Variants in SVOP observed in about 807,000 individuals in gnomAD.
SVOP encodes the protein synaptic vesicle 2-related protein.
Under a neutral mutation model 69.1 loss-of-function variants are expected in SVOP, and 17 were observed. The observed-to-expected ratio is 0.25, with a 90% CI of 0.17 to 0.37. The LOEUF (loss-of-function observed/expected upper bound fraction) is 0.37, where lower values mean the gene tolerates loss of function less well. SVOP is among the 10% of genes least tolerant of loss of function. The probability of loss-of-function intolerance (pLI) is 1.00; values close to 1 mark genes in which losing one functional copy is unlikely to be tolerated. For synonymous variants in SVOP, 238 were observed against 238.6 expected (o/e 1.00, Z 0.02); for missense variants, 435 against 597.5 (o/e 0.73, Z 2.84).
chr12:108,977,404 C>G lies in SVOP; in HGVS notation c.375G>C (p.Leu125=), dbSNP rs758280819. ...GAGCTGCTGGGCTGCCTACCGAGGT[C>G]AGCAATGCCACCTGCCAGCTTGGGA... is the stretch of plus-strand genomic sequence containing the variant. The part of the protein sequence containing the change: ...WRLPSWQVAL[L]TSVVFVGMMS... Residue 125 remains leucine (L), a synonymous_variant, in exon 4 of 16, where the codon CTG becomes CTC. Coordinates refer to ENST00000610966, the MANE Select transcript of SVOP (RefSeq NM_018711.5). 6.5e-6 allele frequency: 10 copies of G among 1,537,066 alleles called. No individual in the cohort carries two copies. In the South Asian group the frequency reaches 1.2e-4, roughly 18 times the overall value.
At chr12:108,951,552 A>T (rs2039953760) in intron 6 of SVOP, among the ~76,000 whole-genome samples, 1 of 152,200 alleles carries the variant, frequency 6.6e-6, no homozygotes, top group South Asian at 2.1e-4. Flanking sequence ...CTCCGTAGAG[A>T]GAAAGTGTAA....
chr12:108,940,954 A>G (rs1164250036), intron 7 of SVOP, 45 bp from the exon 8 acceptor site: 1 of 1,518,226 alleles, frequency 6.6e-7, no homozygotes, highest in East Asian at 2.5e-5. Flanking sequence ...AGCATGGTCC[A>G]TACAGAGAGG....
At position 108,961,303 on chromosome 12, in the gene SVOP, G is replaced by C. The variant is rs184564853; in HGVS notation, c.454-256C>G. Among the ~76,000 whole-genome samples the C allele has an allele frequency of 2.6e-4, 40 of 152,226 alleles. No individual in the cohort carries two copies. The East Asian group carries it at 7.7e-3, about 29-fold the overall frequency. On this transcript the variant is annotated intron_variant, in intron 5 of 15. Transcript: ENST00000610966. The stretch of plus-strand genomic sequence containing the variant: ...ATATGTCAGATATTCCACAATACAG[G>C]AGACAAAATAGATTGTCCTGCATCT...
intron 11 of SVOP, among the ~76,000 whole-genome samples, chr12:108,930,787 A>G (rs1053099465): frequency 2.0e-5 from 3 of 152,200 alleles, no homozygotes; most frequent in African/African-American, 7.2e-5. Flanking sequence ...AGTAGATTAC[A>G]GTCTGTTCAC....
chr12:108,948,457 T>G (rs982032105), intron 6 of SVOP, among the ~76,000 whole-genome samples: 6 of 152,196 alleles, frequency 3.9e-5, no homozygotes, highest in Admixed American at 2.0e-4. Context: ...TCTACATCTA[T>G]CAACAACAGA....
intron 11 of SVOP, 105 bp from the exon 12 acceptor site, chr12:108,922,902 C>G: frequency 1.3e-6 from 1 of 766,566 alleles, no homozygotes; most frequent in Non-Finnish European, 2.2e-6. Context: ...GTTTAGATGC[C>G]ATAGAAAGAG....
intron 1 of SVOP, among the ~76,000 whole-genome samples, chr12:108,999,774 G>T (rs879277640): frequency 1.4e-3 from 211 of 149,370 alleles, no homozygotes; most frequent in Non-Finnish European, 2.5e-3. Context: ...CGAGAACAAA[G>T]ACACAACATA....
At chr12:108,960,825 C>G in intron 6 of SVOP, 98 bp downstream of exon 6, 1 of 1,438,028 alleles carries the variant, frequency 7.0e-7, no homozygotes, top group East Asian at 2.5e-5. Flanking sequence ...CTCTGCACCC[C>G]TGCTGCCCCA....
chr12:108,934,595 A>G (rs1483530743), intron 10 of SVOP, among the ~76,000 whole-genome samples: 1 of 152,226 alleles, frequency 6.6e-6, no homozygotes. Flanking sequence ...ATGGTTACGC[A>G]TTTTAAGTCA....
In SVOP at chr12:108,908,916, C is replaced by G. The variant is rs2039663562; in HGVS notation, c.*3619G>C. 1 of 152,240 alleles carries G rather than the reference C, an allele frequency of 6.6e-6. No homozygotes were observed. Among genetic ancestry groups the G allele is most frequent in the Admixed American group, 6.5e-5 (1 of 15,280 alleles). The allele number at this position is 152,240 out of a possible 1,614,324, so 9.4% of individuals were successfully genotyped here. ...GCTGGGATGGGCATGACACCCAGGT[C>G]TGATCAATGAGAAGCAATGGTAAAT... On this transcript the variant is annotated 3_prime_UTR_variant, in exon 16 of 16. Coordinates refer to ENST00000610966, the MANE Select transcript of SVOP (RefSeq NM_018711.5).
chr12:108,942,516 AATGTGGAGCCCTGCAGGAG>A lies in SVOP; in HGVS notation c.643-1626_643-1608del, dbSNP rs568555833. ...CTAGCGCTTCCCACTGGGTGCAGCC[AATGTGGAGCCCTGCAGGAG>A]ATGGAAGCGGAGGGAGGAAAAAGAG... On this transcript the variant is annotated intron_variant, in intron 7 of 15. Coordinates refer to ENST00000610966, the MANE Select transcript of SVOP (RefSeq NM_018711.5). Among the ~76,000 whole-genome samples the A allele has an allele frequency of 1.3e-4, 20 of 152,288 alleles. No homozygotes were observed. In the East Asian group the frequency reaches 3.9e-3, roughly 29 times the overall value.
At chr12:108,988,752 T>TC (rs374729528) in intron 1 of SVOP, among the ~76,000 whole-genome samples, 1 of 143,064 alleles carries the variant, frequency 7.0e-6, no homozygotes, top group Non-Finnish European at 1.5e-5. Flanking sequence ...ATTTCTTCCT[T>TC]TCTTACTTCT....
intron 4 of SVOP, among the ~76,000 whole-genome samples, chr12:108,974,667 G>T (rs1018118496): frequency 6.6e-6 from 1 of 151,754 alleles, no homozygotes; most frequent in Non-Finnish European, 1.5e-5. Context: ...GAAGGCGAAG[G>T]TTGCAGTGAG....
chr12:108,997,448 T>C (rs1159477869), intron 1 of SVOP, among the ~76,000 whole-genome samples: 4 of 152,014 alleles, frequency 2.6e-5, no homozygotes, highest in East Asian at 1.9e-4. Flanking sequence ...TCGAACTGGG[T>C]GGAGCCCACC....
chr12:108,952,230 C>CTTTTTTTTTTTTTTTTTT (rs36191772), intron 6 of SVOP, among the ~76,000 whole-genome samples: 10 of 98,354 alleles, frequency 1.0e-4, no homozygotes, highest in East Asian at 3.5e-4. Context: ...TTTCTTTTCT[C>CTTTTTTTTTTTTTTTTTT]TTTTTTTTTT....
rs2039673079 is a variant in SVOP at position 108,910,182 on chromosome 12, T to A, written c.*2353A>T. ...TTTCACCATGTTAGCCAGGATGGTC[T>A]CGATCTCCTGACCTTGTGATCCGCC... is the stretch of plus-strand genomic sequence containing the variant. On this transcript the variant is annotated 3_prime_UTR_variant, in exon 16 of 16. Transcript: ENST00000610966. 6.6e-6 allele frequency: 1 copy of A among 152,230 alleles called. No homozygotes were observed. The highest frequency in any genetic ancestry group is 6.5e-5 in the Admixed American group (1 of 15,278). 9.4% of individuals were successfully genotyped at this position (152,230 alleles called of 1,614,324 possible).
At chr12:108,998,700 C>T (rs2135618334) in intron 1 of SVOP, among the ~76,000 whole-genome samples, 1 of 151,896 alleles carries the variant, frequency 6.6e-6, no homozygotes, top group East Asian at 1.9e-4. Context: ...AATTTCATAT[C>T]CAGCCAAACT....
intron 9 of SVOP, among the ~76,000 whole-genome samples, chr12:108,938,105 C>G (rs1020725991): frequency 5.9e-5 from 9 of 152,252 alleles, no homozygotes; most frequent in Admixed American, 5.9e-4. Context: ...CAAACACCTC[C>G]TTCCAACTTG....
chr12:108,933,430 C>G (rs2039834849), intron 11 of SVOP, among the ~76,000 whole-genome samples: 1 of 151,954 alleles, frequency 6.6e-6, no homozygotes, highest in Non-Finnish European at 1.5e-5. Context: ...GTAATCCCAG[C>G]ACTTTGGAAG....
Sources: allele counts gnomAD v4.1 joint callset (sites outside exome capture counted in the v4.1 genomes callset), GRCh38; gene constraint gnomAD v4.1.1; transcripts MANE v1.5; gene names NCBI Gene and HGNC (gene_info 2026-07-23, HGNC 2026-07-21).